The following FLI1 variants were observed in gnomAD, a reference collection of about 807,000 sequenced individuals.
The protein encoded by FLI1 is Fli-1 proto-oncogene, ETS transcription factor.
FLI1 carries 13 observed loss-of-function variants against 53.1 expected under a neutral mutation model. That is an observed-to-expected ratio of 0.24 (90% CI 0.16 to 0.39). The LOEUF is 0.39. Among genes scored for constraint, FLI1 ranks in the 10% least tolerant of loss-of-function variants. FLI1 has a pLI of 1.00. For synonymous variants in FLI1, 244 were observed against 236.7 expected (o/e 1.03, Z -0.28); for missense variants, 424 against 600.5 (o/e 0.71, Z 3.07).
chr11:128,765,759 C>A (rs1200948436), intron 2 of FLI1, among the ~76,000 whole-genome samples: 2 of 152,202 alleles, frequency 1.3e-5, no homozygotes, highest in Non-Finnish European at 2.9e-5. Context: ...GCTGCCAGAC[C>A]ATGTGCGTGA....
At chr11:128,705,386 C>A (rs1466271975) in intron 1 of FLI1, among the ~76,000 whole-genome samples, 1 of 152,182 alleles carries the variant, frequency 6.6e-6, no homozygotes, top group Non-Finnish European at 1.5e-5. Context: ...TGTTTTATAG[C>A]TCAATAGAGA....
At chr11:128,755,760 C>T (rs1940832859) in intron 1 of FLI1, among the ~76,000 whole-genome samples, 1 of 152,152 alleles carries the variant, frequency 6.6e-6, no homozygotes. Flanking sequence ...GGGAGATCCC[C>T]TCGGTTGGGG....
At chr11:128,687,708 G>C (rs1415964744) in intron 1 of FLI1, among the ~76,000 whole-genome samples, 2 of 152,100 alleles carry the variant, frequency 1.3e-5, no homozygotes, top group African/African-American at 4.8e-5. Flanking sequence ...TCCTGTCCAA[G>C]GATTGCCAAT....
intron 1 of FLI1, among the ~76,000 whole-genome samples, chr11:128,738,857 G>T (rs1199176322): frequency 6.6e-6 from 1 of 152,130 alleles, no homozygotes; most frequent in African/African-American, 2.4e-5. Context: ...AAGACCCAGG[G>T]CTACATTTCT....
In FLI1 at chr11:128,810,644, C is replaced by A; in HGVS notation, c.1015C>A (p.Leu339Ile). Residue 339 changes from leucine (L) to isoleucine (I), a missense_variant, in exon 9 of 9, where the codon CTC becomes ATC. Coordinates refer to ENST00000527786, the MANE Select transcript of FLI1 (RefSeq NM_002017.5). The surrounding 1 kb of genome is among the most constrained non-coding windows in gnomAD (Gnocchi z 6.6). The part of the protein sequence containing the change: ...NMNYDKLSRA[L>I]RYYYDKNIMT... Reference sequence around the variant, plus strand: ...GAATTACGACAAGCTGAGCCGGGCCCTCCGTTATTACTATGATAAAAACAT... The same window carrying A: ...GAATTACGACAAGCTGAGCCGGGCCATCCGTTATTACTATGATAAAAACAT... 2 of 1,614,090 alleles carry A rather than the reference C, an allele frequency of 1.2e-6. No individual in the cohort carries two copies. The highest frequency in any genetic ancestry group is 1.7e-6 in the Non-Finnish European group (2 of 1,179,946).
At chr11:128,757,972 C>G (rs555023852) in intron 1 of FLI1, 143 bp from the exon 2 acceptor site, 55 of 687,294 alleles carry the variant, frequency 8.0e-5, no homozygotes, top group Admixed American at 1.6e-4. Flanking sequence ...GCAAACCTGC[C>G]CCCTGGAGTG....
intron 1 of FLI1, among the ~76,000 whole-genome samples, chr11:128,750,957 T>A (rs1267705717): frequency 1.3e-5 from 2 of 152,156 alleles, no homozygotes; most frequent in East Asian, 3.8e-4. Context: ...CACCTACCAT[T>A]TTCATTATCT....
intron 2 of FLI1, among the ~76,000 whole-genome samples, chr11:128,759,031 T>C (rs1285825442): frequency 6.6e-6 from 1 of 152,250 alleles, no homozygotes; most frequent in South Asian, 2.1e-4. Flanking sequence ...CAAACAGGAC[T>C]GGGATATTCA....
chr11:128,696,410 A>C (rs1380593675), intron 1 of FLI1, among the ~76,000 whole-genome samples: 2 of 152,194 alleles, frequency 1.3e-5, no homozygotes, highest in Non-Finnish European at 2.9e-5. Context: ...CTGTTCCCAC[A>C]ATAGTTCAAA....
At chr11:128,793,798 G>A (rs760877637) in intron 5 of FLI1, among the ~76,000 whole-genome samples, 12 of 152,180 alleles carry the variant, frequency 7.9e-5, no homozygotes, top group African/African-American at 1.4e-4. Context: ...AGTAAAGGAC[G>A]GTGACATTAG....
At chr11:128,736,236 T>G (rs1166994741) in intron 1 of FLI1, among the ~76,000 whole-genome samples, 1 of 151,632 alleles carries the variant, frequency 6.6e-6, no homozygotes. Flanking sequence ...AGGCATTCAT[T>G]CATATATGCA....
intron 3 of FLI1, among the ~76,000 whole-genome samples, chr11:128,771,552 C>T (rs911097353): frequency 3.9e-5 from 6 of 152,272 alleles, no homozygotes; most frequent in East Asian, 1.9e-4. Flanking sequence ...TCCTGGTTCC[C>T]TGCTTTGCCA....
chr11:128,717,312 C>T (rs182100946), intron 1 of FLI1, among the ~76,000 whole-genome samples: 2 of 152,264 alleles, frequency 1.3e-5, no homozygotes, highest in African/African-American at 4.8e-5. Flanking sequence ...CCCAGGAGGA[C>T]CTCACTAATA....
Position 128,719,538 on chromosome 11 carries a change from C to T in FLI1, c.18+25262C>T, listed in dbSNP as rs647956. 1.4e-3 allele frequency among the ~76,000 whole-genome samples: 218 copies of T among 152,168 alleles called. 1 individual carries two copies. Among genetic ancestry groups the T allele is most frequent in the Non-Finnish European group, 2.2e-3 (152 of 68,012 alleles). On this transcript the variant is annotated intron_variant, in intron 1 of 8. Transcript: ENST00000527786. ...CAAAGAGTGCATTATACAAAGACAG[C>T]GAGGGCTCTGCATTCAGTCTAAGCT... is the stretch of plus-strand genomic sequence containing the variant.
At chr11:128,729,967 A>T (rs1344762419) in intron 1 of FLI1, among the ~76,000 whole-genome samples, 2 of 152,234 alleles carry the variant, frequency 1.3e-5, no homozygotes, top group African/African-American at 4.8e-5. Context: ...GAGTGCTCTG[A>T]GGAAACTATG....
chr11:128,764,792 G>A (rs1484345686), intron 2 of FLI1: 2 of 1,593,924 alleles, frequency 1.3e-6, no homozygotes, highest in Admixed American at 1.7e-5. Context: ...CTGCAAGAAT[G>A]GAGGGAGGAC....
upstream of FLI1, among the ~76,000 whole-genome samples, chr11:128,691,251 T>G (rs1276866606): frequency 6.6e-6 from 1 of 152,222 alleles, no homozygotes; most frequent in Non-Finnish European, 1.5e-5. Context: ...GGTAGACTTG[T>G]TTACTATTGT....
Position 128,716,128 on chromosome 11 carries a change from G to A in FLI1, c.18+21852G>A, listed in dbSNP as rs145042359. On this transcript the variant is annotated intron_variant, in intron 1 of 8. Coordinates refer to ENST00000527786, the MANE Select transcript of FLI1 (RefSeq NM_002017.5). ...GTTAGAAATGGAGGCACATTGGCTG[G>A]GGGAGTAAAAAGCCTGATTCATACA... Among the ~76,000 whole-genome samples the A allele has an allele frequency of 4.9e-3, 746 of 152,292 alleles. 14 individuals are homozygous for A. Among genetic ancestry groups the A allele is most frequent in the African/African-American group, 0.017 (712 of 41,532 alleles).
intron 1 of FLI1, among the ~76,000 whole-genome samples, chr11:128,721,907 T>A (rs1265896551): frequency 6.6e-6 from 1 of 152,136 alleles, no homozygotes; most frequent in East Asian, 1.9e-4. Context: ...GGGATCTGCT[T>A]CCCTCCTCTT....
Sources: allele counts gnomAD v4.1 joint callset (sites outside exome capture counted in the v4.1 genomes callset), GRCh38; gene constraint gnomAD v4.1.1; non-coding constraint Gnocchi (gnomAD v3.1); transcripts MANE v1.5; gene names NCBI Gene and HGNC (gene_info 2026-07-23, HGNC 2026-07-21).